MDGA1: variants seen among roughly 807,000 people sequenced by gnomAD.
MDGA1 encodes MAM domain containing glycosylphosphatidylinositol anchor 1.
In MDGA1, 54 loss-of-function variants were observed where a neutral mutation model predicts 101.5. The observed-to-expected ratio is 0.53, with a 90% CI of 0.43 to 0.67. MDGA1 has a LOEUF of 0.67. Ranked by LOEUF, MDGA1 falls within the 30% of genes least tolerant of loss-of-function variation. MDGA1 has a pLI of 0.00. For missense variants in MDGA1, 1,083 were observed against 1,323.8 expected (o/e 0.82, Z 2.82); for synonymous variants, 533 against 558.3 (o/e 0.95, Z 0.64).
chr6:37,651,883 G>A lies in MDGA1; in HGVS notation c.1312+128C>T, dbSNP rs1355041448. Reference sequence around the variant, plus strand: ...ATTAACAGGGACTCAATAAAAGCACGTGGCATGAACAAGTGGTGGCCTCCT... The same window carrying A: ...ATTAACAGGGACTCAATAAAAGCACATGGCATGAACAAGTGGTGGCCTCCT... On this transcript the variant is annotated intron_variant, in intron 7 of 16. Transcript: ENST00000434837. The A allele has an allele frequency of 1.7e-5, 13 of 745,740 alleles. 1 individual carries two copies. The highest frequency in any genetic ancestry group is 8.7e-5 in the Admixed American group (3 of 34,372). 46.2% of individuals were successfully genotyped at this position (745,740 alleles called of 1,614,324 possible). A position where few individuals can be genotyped will look rare whatever the true frequency, so the allele number is the denominator to read the frequency against.
intron 2 of MDGA1, among the ~76,000 whole-genome samples, chr6:37,660,306 G>C: frequency 6.6e-6 from 1 of 151,908 alleles, no homozygotes. Context: ...GTGAGCCACT[G>C]CACCTGGTCC....
Position 37,635,997 on chromosome 6 carries a change from CCAACAAT to C in MDGA1, c.*1364_*1370del. 1 of 366,568 alleles carries C rather than the reference CCAACAAT, an allele frequency of 2.7e-6. No homozygotes were observed. The highest frequency in any genetic ancestry group is 4.9e-6 in the Non-Finnish European group (1 of 205,746). The allele number at this position is 366,568 out of a possible 1,614,324, so 22.7% of individuals were successfully genotyped here. On this transcript the variant is annotated 3_prime_UTR_variant, in exon 17 of 17. Transcript: ENST00000434837. The stretch of plus-strand genomic sequence containing the variant: ...GACCTGTGTTTGCACACACTCCTGC[CCAACAAT>C]GTACCCACGGTGGTACCTAGACACA...
intron 1 of MDGA1, among the ~76,000 whole-genome samples, chr6:37,679,201 C>T (rs1762042726): frequency 6.6e-6 from 1 of 152,028 alleles, no homozygotes. Context: ...GCCTCTGAAA[C>T]AACTTTTAAA....
intron 1 of MDGA1, among the ~76,000 whole-genome samples, chr6:37,677,375 G>A (rs529203598): frequency 6.6e-6 from 1 of 152,258 alleles, no homozygotes; most frequent in East Asian, 1.9e-4. Context: ...AAAGGAAAAA[G>A]TAATTCACAT....
Position 37,659,505 on chromosome 6 carries a change from G to A in MDGA1, c.208-1086C>T, listed in dbSNP as rs1761573301. 3.3e-5 allele frequency among the ~76,000 whole-genome samples: 5 copies of A among 152,186 alleles called. No homozygotes were observed. In the South Asian group the frequency reaches 1.0e-3, roughly 32 times the overall value. ...TAAGCCTACTACTCAAGGTGCCAGA[G>A]TTTTAAGAAAAACAGATCAGTTCTA... On this transcript the variant is annotated intron_variant, in intron 2 of 16. Transcript: ENST00000434837.
chr6:37,660,519 T>C lies in MDGA1; in HGVS notation c.208-2100A>G, dbSNP rs149164111. ...TTATCCAATTCACTAATTTTTTCTT[T>C]AGCTATCTCTAGGGTACTGAGGCCA... On this transcript the variant is annotated intron_variant, in intron 2 of 16. Coordinates refer to ENST00000434837, the MANE Select transcript of MDGA1 (RefSeq NM_153487.4). Among the ~76,000 whole-genome samples the C allele has an allele frequency of 1.9e-3, 287 of 152,316 alleles. 5 individuals carry two copies. The East Asian group carries it at 0.046, about 24-fold the overall frequency.
At chr6:37,670,882 A>G (rs1761854707) in intron 1 of MDGA1, among the ~76,000 whole-genome samples, 1 of 152,248 alleles carries the variant, frequency 6.6e-6, no homozygotes, top group African/African-American at 2.4e-5. Context: ...TCACTGAGAC[A>G]GCAGCACAGC....
rs367592607 is a variant in MDGA1, at chr6:37,655,760, G to A, written c.519C>T (p.Ser173=). 43 of 1,613,208 alleles carry A rather than the reference G, an allele frequency of 2.7e-5. No individual in the cohort carries two copies. The highest frequency in any genetic ancestry group is 8.8e-5 in the South Asian group (8 of 90,780). The change falls in exon 4 of 17, where the codon TCC becomes TCT. Residue 173 remains serine (S), a synonymous_variant. Transcript: ENST00000434837. The surrounding 1 kb of genome is among the most constrained non-coding windows in gnomAD (Gnocchi z 5.1). ...PPARFIWKRG[S]DTLSHSQDNG... is the part of the protein sequence containing the mutation. ...TGTCCTGGCTGTGGGATAGGGTATCGGAACCCCGCTTCCAGATGAAGCGGG... is the reference window on the plus strand; with the variant it reads ...TGTCCTGGCTGTGGGATAGGGTATCAGAACCCCGCTTCCAGATGAAGCGGG...
chr6:37,635,010 T>G lies in MDGA1; in HGVS notation c.*2358A>C, dbSNP rs1763894182. On this transcript the variant is annotated 3_prime_UTR_variant, in exon 17 of 17. Transcript: ENST00000434837. ...CCAAAGAGGGAGCACTTGGGGCTAT[T>G]CATCTCTGGTGCTCCAATGCCTACC... 1 of 153,858 alleles carries G rather than the reference T, an allele frequency of 6.5e-6. No homozygotes were observed. Among genetic ancestry groups the G allele is most frequent in the Admixed American group, 6.5e-5 (1 of 15,316 alleles). 9.5% of individuals were successfully genotyped at this position (153,858 alleles called of 1,614,324 possible). A position where few individuals can be genotyped will look rare whatever the true frequency, so the allele number is the denominator to read the frequency against.
intron 1 of MDGA1, among the ~76,000 whole-genome samples, chr6:37,670,021 T>A (rs1761835746): frequency 6.6e-6 from 1 of 152,194 alleles, no homozygotes; most frequent in Non-Finnish European, 1.5e-5. Context: ...AGCACAGCTG[T>A]GGAGTCACAC....
In MDGA1 at chr6:37,655,058, C is replaced by A; in HGVS notation, c.580-126G>T. 8.4e-7 allele frequency: 1 copy of A among 1,184,134 alleles called. No individual in the cohort carries two copies. Among genetic ancestry groups the A allele is most frequent in the Non-Finnish European group, 1.2e-6 (1 of 853,992 alleles). The allele number at this position is 1,184,134 out of a possible 1,614,324, so 73.4% of individuals were successfully genotyped here. ...TAATTCCTCTCTTTCCATCCCCAACCCCACCCTCACCATTTAGCCCCAGGG... is the reference window on the plus strand; with the variant it reads ...TAATTCCTCTCTTTCCATCCCCAACACCACCCTCACCATTTAGCCCCAGGG... On this transcript the variant is annotated intron_variant, in intron 4 of 16. Coordinates refer to ENST00000434837, the MANE Select transcript of MDGA1 (RefSeq NM_153487.4). The surrounding 1 kb of genome is among the most constrained non-coding windows in gnomAD (Gnocchi z 5.1).
At chr6:37,659,862 GAT>G (rs1761580495) in intron 2 of MDGA1, among the ~76,000 whole-genome samples, 1 of 152,078 alleles carries the variant, frequency 6.6e-6, no homozygotes, top group South Asian at 2.1e-4. Flanking sequence ...TCTTTGGAGA[GAT>G]AACAGGGACA....
intron 7 of MDGA1, among the ~76,000 whole-genome samples, chr6:37,650,619 A>G (rs1202403751): frequency 1.3e-5 from 2 of 152,228 alleles, no homozygotes; most frequent in Middle Eastern, 3.2e-3. Flanking sequence ...TCCCAACTCA[A>G]AAAGAGACCT....
rs150139359 is a variant in MDGA1, at chr6:37,691,653, T to G, written c.67+5092A>C. ...TGTTATTCATAGACTTGAGGAAAAA[T>G]GAGATTTCATTGTTGAAAAACAAAA... is the stretch of plus-strand genomic sequence containing the variant. On this transcript the variant is annotated intron_variant, in intron 1 of 16. Transcript: ENST00000434837. Among the ~76,000 whole-genome samples, 496 of 152,286 alleles carry G rather than the reference T, an allele frequency of 3.3e-3. 1 individual carries two copies. The highest frequency in any genetic ancestry group is 0.011 in the African/African-American group (462 of 41,550).
chr6:37,666,382 A>T (rs1381279385), intron 1 of MDGA1, among the ~76,000 whole-genome samples: 2 of 151,776 alleles, frequency 1.3e-5, no homozygotes, highest in Non-Finnish European at 2.9e-5. Context: ...AAAGAAAAGA[A>T]AAAAAAAGAA....
Position 37,696,388 on chromosome 6 carries a change from G to A in MDGA1, c.67+357C>T, listed in dbSNP as rs1356307507. Among the ~76,000 whole-genome samples the A allele has an allele frequency of 6.6e-6, 1 of 152,172 alleles. No individual in the cohort carries two copies. The highest frequency in any genetic ancestry group is 6.5e-5 in the Admixed American group (1 of 15,292). ...TCGCTTGGCTTCCACTCCGGAGGCCGAGCCAGGACGAGGTTTCGGTGCAAG... is the reference window on the plus strand; with the variant it reads ...TCGCTTGGCTTCCACTCCGGAGGCCAAGCCAGGACGAGGTTTCGGTGCAAG... On this transcript the variant is annotated intron_variant, in intron 1 of 16. Coordinates refer to ENST00000434837, the MANE Select transcript of MDGA1 (RefSeq NM_153487.4). This position sits in a 1 kb window ranked among gnomAD's most constrained non-coding sequence, Gnocchi z 5.6.
rs1187441608 is a variant in MDGA1 at position 37,697,539 on chromosome 6, G to GC, written c.-729dup. 1 of 152,186 alleles carries GC rather than the reference G, an allele frequency of 6.6e-6. No homozygotes were observed. Among genetic ancestry groups the GC allele is most frequent in the Non-Finnish European group, 1.5e-5 (1 of 68,036 alleles). The allele number at this position is 152,186 out of a possible 1,614,324, so 9.4% of individuals were successfully genotyped here. The stretch of plus-strand genomic sequence containing the variant: ...GCGGGAATCTGGAGAGCAATTCCAG[G>GC]CAAGAAGGGCCCCAGAAAACGGGGA... On this transcript the variant is annotated 5_prime_UTR_variant, in exon 1 of 17. Coordinates refer to ENST00000434837, the MANE Select transcript of MDGA1 (RefSeq NM_153487.4).
intron 2 of MDGA1, among the ~76,000 whole-genome samples, chr6:37,658,747 G>A (rs1299618535): frequency 6.6e-6 from 1 of 152,188 alleles, no homozygotes; most frequent in Non-Finnish European, 1.5e-5. Context: ...CAAGCGGGCG[G>A]ATCACCTGAG....
chr6:37,658,660 G>A (rs898588458), intron 2 of MDGA1, among the ~76,000 whole-genome samples: 7 of 152,216 alleles, frequency 4.6e-5, no homozygotes, highest in African/African-American at 7.2e-5. Flanking sequence ...TAAATGGGGC[G>A]CGCAGTGCCG....
Sources: gnomAD v4.1 joint callset for allele counts (sites outside exome capture counted in the v4.1 genomes callset) on GRCh38, gnomAD v4.1.1 for gene constraint, Gnocchi (gnomAD v3.1) non-coding constraint, MANE v1.5 for transcripts, NCBI Gene and HGNC (gene_info 2026-07-23, HGNC 2026-07-21) for gene names.